Variants in RFX4 observed in about 807,000 individuals in gnomAD.
RFX4 encodes the protein transcription factor RFX4.
RFX4 carries 10 observed loss-of-function variants against 95.0 expected under a neutral mutation model. That is an observed-to-expected ratio of 0.11 (90% CI 0.06 to 0.18). The LOEUF (loss-of-function observed/expected upper bound fraction) is 0.18. RFX4 is among the 10% of genes least tolerant of loss of function. The pLI is 1.00. For missense variants in RFX4, 640 were observed against 922.0 expected (o/e 0.69, Z 3.96); for synonymous variants, 321 against 340.7 (o/e 0.94, Z 0.64).
intron 3 of RFX4, among the ~76,000 whole-genome samples, chr12:106,651,011 A>G (rs905084802): frequency 2.6e-5 from 4 of 152,104 alleles, no homozygotes; most frequent in Non-Finnish European, 5.9e-5. Context: ...TGAAAATAAC[A>G]TTTTTATAGT....
chr12:106,708,603 G>A (rs567078756), intron 8 of RFX4, among the ~76,000 whole-genome samples: 1 of 152,244 alleles, frequency 6.6e-6, no homozygotes, highest in East Asian at 1.9e-4. Context: ...ATGGTCAATG[G>A]GGAGATGTCC....
At chr12:106,672,440 G>A (rs777385789) in intron 4 of RFX4, among the ~76,000 whole-genome samples, 3 of 152,200 alleles carry the variant, frequency 2.0e-5, no homozygotes, top group Non-Finnish European at 4.4e-5. Context: ...GTTGCGGAAT[G>A]TTAGATCAGT....
At chr12:106,737,175 T>G (rs1451254060) in intron 15 of RFX4, among the ~76,000 whole-genome samples, 9 of 79,870 alleles carry the variant, frequency 1.1e-4, no homozygotes, top group Non-Finnish European at 2.2e-4. Flanking sequence ...TTTTTTTTTT[T>G]TTTTTTTTTT....
At chr12:106,615,396 A>C (rs779905571) in intron 2 of RFX4, among the ~76,000 whole-genome samples, 15 of 152,152 alleles carry the variant, frequency 9.9e-5, no homozygotes, top group African/African-American at 3.6e-4. Flanking sequence ...ATAAGTCGTG[A>C]TATCTGGTAG....
At chr12:106,644,124 T>C (rs2040691983) in intron 3 of RFX4, among the ~76,000 whole-genome samples, 1 of 152,146 alleles carries the variant, frequency 6.6e-6, no homozygotes, top group Admixed American at 6.5e-5. Context: ...TCTTCCTTAG[T>C]AGAATGTCCT....
In RFX4 at chr12:106,583,224, C is replaced by G; in HGVS notation, c.-97C>G. 5 of 431,296 alleles carry G rather than the reference C, an allele frequency of 1.2e-5. No homozygotes were observed. The highest frequency in any genetic ancestry group is 7.2e-5 in the East Asian group (1 of 13,956). 26.7% of individuals were successfully genotyped at this position (431,296 alleles called of 1,614,324 possible). On this transcript the variant is annotated 5_prime_UTR_variant, in exon 1 of 18. Coordinates refer to ENST00000392842, the MANE Select transcript of RFX4 (RefSeq NM_213594.3). Reference sequence around the variant, plus strand: ...TCTGCGTCTCTCTCTCTCCCCTTCTCCCTCCCTCCCTCCCTTCCTCCCTGG... The same window carrying G: ...TCTGCGTCTCTCTCTCTCCCCTTCTGCCTCCCTCCCTCCCTTCCTCCCTGG...
intron 4 of RFX4, among the ~76,000 whole-genome samples, chr12:106,670,604 A>T (rs2041262084): frequency 6.6e-6 from 1 of 152,102 alleles, no homozygotes; most frequent in Non-Finnish European, 1.5e-5. Context: ...AAATTTTGCA[A>T]TTTCTCTTAG....
chr12:106,737,503 C>A (rs1255037832), intron 15 of RFX4, among the ~76,000 whole-genome samples: 1 of 151,854 alleles, frequency 6.6e-6, no homozygotes, highest in African/African-American at 2.4e-5. Context: ...AAAAGGTATT[C>A]CAAGTAGAGG....
At chr12:106,628,357 A>G (rs988612062) in intron 2 of RFX4, among the ~76,000 whole-genome samples, 9 of 152,190 alleles carry the variant, frequency 5.9e-5, no homozygotes, top group Non-Finnish European at 1.2e-4. Context: ...AGCACTTAAC[A>G]TAGTAGGGCC....
chr12:106,706,948 C>T (rs143757269), intron 8 of RFX4, among the ~76,000 whole-genome samples: 32 of 152,200 alleles, frequency 2.1e-4, no homozygotes, highest in African/African-American at 7.5e-4. Flanking sequence ...ATATTGTGTG[C>T]GTGTGTGTAT....
chr12:106,601,349 A>G lies in RFX4; in HGVS notation c.44-7448A>G, dbSNP rs113553192. ...GCCTCGACGGCGCCGTTCCACTGGTAATGACCAGGGCCCAGGGACAGGAGA... is the reference window on the plus strand; with the variant it reads ...GCCTCGACGGCGCCGTTCCACTGGTGATGACCAGGGCCCAGGGACAGGAGA... On this transcript the variant is annotated intron_variant, in intron 1 of 17. Coordinates refer to ENST00000392842, the MANE Select transcript of RFX4 (RefSeq NM_213594.3). The G allele has an allele frequency of 4.3e-3, 6,786 of 1,578,056 alleles. 24 individuals carry two copies. The highest frequency in any genetic ancestry group is 4.9e-3 in the Non-Finnish European group (5,642 of 1,160,766).
chr12:106,596,098 C>T (rs182822665), intron 1 of RFX4, among the ~76,000 whole-genome samples: 6 of 152,284 alleles, frequency 3.9e-5, no homozygotes, highest in Non-Finnish European at 2.9e-5. Context: ...CACACAAAGA[C>T]CACATAGGAT....
At chr12:106,651,572 G>C (rs2040856981) in intron 3 of RFX4, among the ~76,000 whole-genome samples, 1 of 152,278 alleles carries the variant, frequency 6.6e-6, no homozygotes, top group African/African-American at 2.4e-5. Flanking sequence ...GGAGTTTATA[G>C]TAATTAAATA....
chr12:106,739,125 C>CAGAAAGAAAGAAAGAAAGAAAGAAAGAA lies in RFX4; in HGVS notation c.1633+6042_1633+6069dup, dbSNP rs55743965. On this transcript the variant is annotated intron_variant, in intron 15 of 17. Coordinates refer to ENST00000392842, the MANE Select transcript of RFX4 (RefSeq NM_213594.3). ...TCAATTTCGTAAAAAGGACCAAAAC[C>CAGAAAGAAAGAAAGAAAGAAAGAAAGAA]AGAAAGAAAGAAAGAAAGAAAGAAA... Among the ~76,000 whole-genome samples, 363 of 149,142 alleles carry CAGAAAGAAAGAAAGAAAGAAAGAAAGAA rather than the reference C, an allele frequency of 2.4e-3. 2 individuals are homozygous for CAGAAAGAAAGAAAGAAAGAAAGAAAGAA. The highest frequency in any genetic ancestry group is 0.015 in the South Asian group (68 of 4,600).
At chr12:106,756,196 A>G (rs2043105163) in intron 17 of RFX4, among the ~76,000 whole-genome samples, 2 of 152,240 alleles carry the variant, frequency 1.3e-5, no homozygotes. Context: ...GCACTTGTTC[A>G]CATCAAAGTA....
chr12:106,709,988 C>A (rs1186302182), intron 9 of RFX4, among the ~76,000 whole-genome samples: 2 of 152,156 alleles, frequency 1.3e-5, no homozygotes, highest in Non-Finnish European at 2.9e-5. Context: ...ATTAATATTT[C>A]TCATAAAGGG....
Position 106,687,044 on chromosome 12 carries a change from G to C in RFX4, c.538G>C (p.Glu180Gln). The change falls in exon 6 of 18, where the codon GAA (glutamate) becomes CAA (glutamine). Residue 180 changes from glutamate (E) to glutamine (Q), a missense_variant. Coordinates refer to ENST00000392842, the MANE Select transcript of RFX4 (RefSeq NM_213594.3). ...PRSKLGTLLP[E>Q]FPNVKDLNLP... ...GTCCAAACTCGGAACACTGCTGCCA[G>C]AATTTCCCAATGTCAAAGATCTAAA... 2 of 1,613,986 alleles carry C rather than the reference G, an allele frequency of 1.2e-6. No individual in the cohort carries two copies. Among genetic ancestry groups the C allele is most frequent in the South Asian group, 2.2e-5 (2 of 91,072 alleles).
At chr12:106,650,215 A>G (rs1040100735) in intron 3 of RFX4, among the ~76,000 whole-genome samples, 3 of 152,234 alleles carry the variant, frequency 2.0e-5, no homozygotes, top group Non-Finnish European at 4.4e-5. Context: ...ATGGTTTGAA[A>G]TACACATTTG....
At position 106,687,019 on chromosome 12, in the gene RFX4, G is replaced by A. The variant is rs746153038; in HGVS notation, c.513G>A (p.Arg171=). The change falls in exon 6 of 18, where the codon CGG becomes CGA. Residue 171 remains arginine (R), a synonymous_variant. Coordinates refer to ENST00000392842, the MANE Select transcript of RFX4 (RefSeq NM_213594.3). ...VSKQTVAYSP[R]SKLGTLLPEF... The stretch of plus-strand genomic sequence containing the variant: ...AACAGACAGTGGCATATTCACCCCG[G>A]TCCAAACTCGGAACACTGCTGCCAG... The A allele has an allele frequency of 1.2e-5, 20 of 1,613,812 alleles. No homozygotes were observed. The highest frequency in any genetic ancestry group is 1.7e-5 in the Admixed American group (1 of 59,962).
Sources: gnomAD v4.1 joint callset for allele counts (sites outside exome capture counted in the v4.1 genomes callset) on GRCh38, gnomAD v4.1.1 for gene constraint, MANE v1.5 for transcripts, NCBI Gene and HGNC (gene_info 2026-07-23, HGNC 2026-07-21) for gene names.